SNX21: variants seen among roughly 807,000 people sequenced by gnomAD.
The protein encoded by SNX21 is sorting nexin-21.
SNX21 carries 36 observed loss-of-function variants against 30.9 expected under a neutral mutation model. The observed-to-expected ratio is 1.16, with a 90% CI of 0.89 to 1.54. The LOEUF (loss-of-function observed/expected upper bound fraction) is 1.54, where lower values mean the gene tolerates loss of function less well. SNX21 is among the 40% of genes most tolerant of loss of function. SNX21 has a pLI of 0.00. For missense variants in SNX21, 508 were observed against 516.5 expected, an observed-to-expected ratio of 0.98 and a Z score of 0.16; for synonymous variants, 218 against 222.7, an observed-to-expected ratio of 0.98 and a Z score of 0.19.
chr20:45,841,146 C>T lies in SNX21; in HGVS notation c.955C>T (p.His319Tyr). The T allele has an allele frequency of 1.9e-6, 3 of 1,613,314 alleles. No individual in the cohort carries two copies. The highest frequency in any genetic ancestry group is 2.5e-6 in the Non-Finnish European group (3 of 1,179,774). ...GCAGCTGCTTGGGGACAAGAGCCTC[C>T]ACCCTTTGCTGGCACCCTTTCTGGA... ...ALQLLGDKSLHPLLAPFLEAH... is the reference protein window; with the variant it reads ...ALQLLGDKSLYPLLAPFLEAH... Residue 319 changes from histidine to tyrosine, a missense_variant, in exon 4 of 4, where the codon CAC (histidine) becomes TAC (tyrosine). Physicochemically the swap from His to Tyr is moderately conservative, Grantham distance 83. Coordinates refer to ENST00000491381, the MANE Select transcript of SNX21 (RefSeq NM_033421.4).
chr20:45,835,061 T>C lies in SNX21; in HGVS notation c.392T>C (p.Leu131Pro), dbSNP rs767505491. 6.2e-7 allele frequency: 1 copy of C among 1,614,228 alleles called. No individual in the cohort carries two copies. The highest frequency in any genetic ancestry group is 2.2e-5 in the East Asian group (1 of 44,886). The change falls in exon 3 of 4, where the codon CTG becomes CCG. Residue 131 changes from leucine to proline, a missense_variant. Coordinates refer to ENST00000491381, the MANE Select transcript of SNX21 (RefSeq NM_033421.4). The stretch of plus-strand genomic sequence containing the variant: ...CGGAACACCTTGGCACCCCAGCGGC[T>C]GCTCTTCGAAGTGACCAGCGCTAAC... ...KSRNTLAPQR[L>P]LFEVTSANVV... is the part of the protein sequence containing the mutation.
rs547874769 is a variant in SNX21 at position 45,834,376 on chromosome 20, CCGAGGACGA to C, written c.216_224del (p.Asp72_Asp74del). The C allele has an allele frequency of 3.1e-4, 497 of 1,604,362 alleles. 3 individuals carry two copies. Among genetic ancestry groups the C allele is most frequent in the South Asian group, 6.7e-4 (60 of 90,052 alleles). On this transcript the variant is annotated inframe_deletion, in exon 2 of 4. Coordinates refer to ENST00000491381, the MANE Select transcript of SNX21 (RefSeq NM_033421.4). ...AGCGGCACCCTCAGCTTCACCAGCG[CCGAGGACGA>C]CGAGGACGACGAGGACGAGGACGAC...
rs139445813 is a variant in SNX21, at chr20:45,841,247, G to A, written c.1056G>A (p.Glu352=). 3.1e-4 allele frequency: 499 copies of A among 1,610,494 alleles called. 5 individuals are homozygous for A. In the African/African-American group the frequency reaches 5.5e-3, roughly 18 times the overall value. Residue 352 remains glutamate (E), a synonymous_variant, in exon 4 of 4, where the codon GAG becomes GAA. Transcript: ENST00000491381. ...AGGCTCGGCTCCAAGCCCTGCAGGA[G>A]GCAGGCCTTACCCCCACACCACCCC... The part of the protein sequence containing the change: ...QSEARLQALQ[E]AGLTPTPPPS...
intron 3 of SNX21, among the ~76,000 whole-genome samples, chr20:45,838,539 A>T (rs1247313324): frequency 1.3e-5 from 2 of 151,552 alleles, no homozygotes; most frequent in Non-Finnish European, 2.9e-5. Flanking sequence ...AGATCACCTG[A>T]GGTCAGGAGT....
Position 45,842,775 on chromosome 20 carries a change from T to C in SNX21, c.*1462T>C, listed in dbSNP as rs1228937852. Reference sequence around the variant, plus strand: ...CATGATGAAGCCAAATCTGAACCCATGTCCTCACTTCAAGGTTATCAATCT... The same window carrying C: ...CATGATGAAGCCAAATCTGAACCCACGTCCTCACTTCAAGGTTATCAATCT... On this transcript the variant is annotated 3_prime_UTR_variant, in exon 4 of 4. Coordinates refer to ENST00000491381, the MANE Select transcript of SNX21 (RefSeq NM_033421.4). 4.0e-6 allele frequency: 4 copies of C among 990,288 alleles called. No individual in the cohort carries two copies. Among genetic ancestry groups the C allele is most frequent in the Non-Finnish European group, 4.8e-6 (4 of 832,918 alleles). 61.3% of individuals were successfully genotyped at this position (990,288 alleles called of 1,614,324 possible). A position where few individuals can be genotyped will look rare whatever the true frequency, so the allele number is the denominator to read the frequency against.
Position 45,843,175 on chromosome 20 carries a change from G to T in SNX21, c.*1862G>T. On this transcript the variant is annotated 3_prime_UTR_variant, in exon 4 of 4. Coordinates refer to ENST00000491381, the MANE Select transcript of SNX21 (RefSeq NM_033421.4). ...GGCAGTCTGATGGACTGCGGGTTTGGATACCACTGCTGTAATGTAACCCTC... is the reference window on the plus strand; with the variant it reads ...GGCAGTCTGATGGACTGCGGGTTTGTATACCACTGCTGTAATGTAACCCTC... 1.9e-6 allele frequency: 1 copy of T among 520,956 alleles called. No homozygotes were observed. Among genetic ancestry groups the T allele is most frequent in the Non-Finnish European group, 3.1e-6 (1 of 325,426 alleles). The allele number at this position is 520,956 out of a possible 1,614,324, so 32.3% of individuals were successfully genotyped here.
chr20:45,834,097 GCGCCCCTCCCTCTCCGGTTCGGGCCC>G, intron 1 of SNX21, 78 bp from the exon 2 acceptor site: 1 of 1,397,398 alleles, frequency 7.2e-7, no homozygotes, highest in Non-Finnish European at 9.3e-7. Flanking sequence ...GGGCCTCACC[GCGCCCCTCCCTCTCCGGTTCGGGCCC>G]CGCCCCTCCT....
intron 3 of SNX21, among the ~76,000 whole-genome samples, chr20:45,836,847 G>T (rs1448077600): frequency 6.6e-6 from 1 of 152,166 alleles, no homozygotes; most frequent in South Asian, 2.1e-4. Flanking sequence ...GAGAAGCAAG[G>T]CACCTCCTGT....
rs963712422 is a variant in SNX21 at position 45,842,770 on chromosome 20, AC to A, written c.*1460del. 2.0e-4 allele frequency: 195 copies of A among 989,796 alleles called. 1 individual carries two copies. Among genetic ancestry groups the A allele is most frequent in the Admixed American group, 1.2e-3 (20 of 17,338 alleles). 61.3% of individuals were successfully genotyped at this position (989,796 alleles called of 1,614,324 possible). On this transcript the variant is annotated 3_prime_UTR_variant, in exon 4 of 4. Coordinates refer to ENST00000491381, the MANE Select transcript of SNX21 (RefSeq NM_033421.4). ...GGCCCCATGATGAAGCCAAATCTGA[AC>A]CCATGTCCTCACTTCAAGGTTATCA... is the stretch of plus-strand genomic sequence containing the variant.
rs778167110 is a variant in SNX21, at chr20:45,841,973, G to T, written c.*660G>T. The stretch of plus-strand genomic sequence containing the variant: ...GAGAGCCACCTGTGGGTGAGGTGAA[G>T]GGTGATGATGGCCTGCTTCAGAACA... On this transcript the variant is annotated 3_prime_UTR_variant, in exon 4 of 4. Coordinates refer to ENST00000491381, the MANE Select transcript of SNX21 (RefSeq NM_033421.4). The T allele has an allele frequency of 4.3e-6, 7 of 1,612,652 alleles. No individual in the cohort carries two copies. In the African/African-American group the frequency reaches 9.3e-5, roughly 22 times the overall value.
At position 45,842,282 on chromosome 20, in the gene SNX21, C is replaced by T. The variant is rs1984256832; in HGVS notation, c.*969C>T. 2 of 1,427,396 alleles carry T rather than the reference C, an allele frequency of 1.4e-6. No homozygotes were observed. Among genetic ancestry groups the T allele is most frequent in the Admixed American group, 2.9e-5 (1 of 34,092 alleles). 88.4% of individuals were successfully genotyped at this position (1,427,396 alleles called of 1,614,324 possible). A position where few individuals can be genotyped will look rare whatever the true frequency, so the allele number is the denominator to read the frequency against. On this transcript the variant is annotated 3_prime_UTR_variant, in exon 4 of 4. Transcript: ENST00000491381. ...TGAGGGGTAACTCCTCCCACAGGAA[C>T]CCCAGTTGACAGTTTAAAAGCACTT...
In SNX21 at chr20:45,842,206, G is replaced by A; in HGVS notation, c.*893G>A. The A allele has an allele frequency of 2.7e-6, 4 of 1,455,296 alleles. No homozygotes were observed. The highest frequency in any genetic ancestry group is 3.6e-6 in the Non-Finnish European group (4 of 1,115,216). The allele number at this position is 1,455,296 out of a possible 1,614,324, so 90.1% of individuals were successfully genotyped here. A position where few individuals can be genotyped will look rare whatever the true frequency, so the allele number is the denominator to read the frequency against. The stretch of plus-strand genomic sequence containing the variant: ...GCTGCCCCACACAAGGGTGCACTGA[G>A]TGTCGTGGCTGCTCCAAATGCCCCT... On this transcript the variant is annotated 3_prime_UTR_variant, in exon 4 of 4. Transcript: ENST00000491381.
Position 45,841,836 on chromosome 20 carries a change from GGCTACA to G in SNX21, c.*527_*532del, listed in dbSNP as rs775461604. The G allele has an allele frequency of 4.8e-4, 773 of 1,601,568 alleles. No homozygotes were observed. Among genetic ancestry groups the G allele is most frequent in the Non-Finnish European group, 6.0e-4 (708 of 1,175,952 alleles). On this transcript the variant is annotated 3_prime_UTR_variant, in exon 4 of 4. Transcript: ENST00000491381. ...AGCCCCAGGCGAAGCTGGTACCTCT[GGCTACA>G]GCTTGCTCTCTGAGACCTGGGGCTT...
In SNX21 at chr20:45,841,874, G is replaced by C. The variant is rs147976812; in HGVS notation, c.*561G>C. The C allele has an allele frequency of 1.1e-4, 182 of 1,609,390 alleles. No individual in the cohort carries two copies. In the African/African-American group the frequency reaches 2.3e-3, roughly 20 times the overall value. ...TCTCTGAGACCTGGGGCTTCACTCG[G>C]ATCACGCCCTCCTGGGCACAGGTCA... is the stretch of plus-strand genomic sequence containing the variant. On this transcript the variant is annotated 3_prime_UTR_variant, in exon 4 of 4. Transcript: ENST00000491381.
In SNX21 at chr20:45,842,963, G is replaced by C. The variant is rs1984353230; in HGVS notation, c.*1650G>C. The C allele has an allele frequency of 2.0e-6, 2 of 1,015,596 alleles. No homozygotes were observed. Among genetic ancestry groups the C allele is most frequent in the Non-Finnish European group, 2.4e-6 (2 of 846,956 alleles). The allele number at this position is 1,015,596 out of a possible 1,614,324, so 62.9% of individuals were successfully genotyped here. A position where few individuals can be genotyped will look rare whatever the true frequency, so the allele number is the denominator to read the frequency against. The stretch of plus-strand genomic sequence containing the variant: ...AGCTAGACATTGATGAACGAGTCTT[G>C]TTTCTCTCCCCTGCAAGGAAGGTCC... On this transcript the variant is annotated 3_prime_UTR_variant, in exon 4 of 4. Transcript: ENST00000491381.
rs1984110409 is a variant in SNX21, at chr20:45,841,402, C to T, written c.*89C>T. 1 of 1,489,692 alleles carries T rather than the reference C, an allele frequency of 6.7e-7. No homozygotes were observed. The allele number at this position is 1,489,692 out of a possible 1,614,324, so 92.3% of individuals were successfully genotyped here. ...TGATGAGAACAGAATAGCTGGGAGG[C>T]TGCAGAGGGTGCTGGGAGCCCCTAG... is the stretch of plus-strand genomic sequence containing the variant. On this transcript the variant is annotated 3_prime_UTR_variant, in exon 4 of 4. Coordinates refer to ENST00000491381, the MANE Select transcript of SNX21 (RefSeq NM_033421.4).
At position 45,842,277 on chromosome 20, in the gene SNX21, A is replaced by G. The variant is rs1410178237; in HGVS notation, c.*964A>G. ...GTCATTGAGGGGTAACTCCTCCCAC[A>G]GGAACCCCAGTTGACAGTTTAAAAG... On this transcript the variant is annotated 3_prime_UTR_variant, in exon 4 of 4. Transcript: ENST00000491381. The G allele has an allele frequency of 2.1e-6, 3 of 1,429,196 alleles. No homozygotes were observed. The highest frequency in any genetic ancestry group is 2.9e-5 in the Admixed American group (1 of 34,292). 88.5% of individuals were successfully genotyped at this position (1,429,196 alleles called of 1,614,324 possible).
At position 45,842,210 on chromosome 20, in the gene SNX21, C is replaced by T. The variant is rs1011690079; in HGVS notation, c.*897C>T. On this transcript the variant is annotated 3_prime_UTR_variant, in exon 4 of 4. Transcript: ENST00000491381. ...CCCCACACAAGGGTGCACTGAGTGTCGTGGCTGCTCCAAATGCCCCTTCAT... is the reference window on the plus strand; with the variant it reads ...CCCCACACAAGGGTGCACTGAGTGTTGTGGCTGCTCCAAATGCCCCTTCAT... 4.9e-6 allele frequency: 7 copies of T among 1,441,376 alleles called. No homozygotes were observed. The Admixed American group carries it at 1.1e-4, about 22-fold the overall frequency. The allele number at this position is 1,441,376 out of a possible 1,614,324, so 89.3% of individuals were successfully genotyped here. A position where few individuals can be genotyped will look rare whatever the true frequency, so the allele number is the denominator to read the frequency against.
intron 3 of SNX21, among the ~76,000 whole-genome samples, chr20:45,835,638 A>G (rs1203799857): frequency 6.6e-6 from 1 of 152,238 alleles, no homozygotes; most frequent in Non-Finnish European, 1.5e-5. Context: ...TAAATGAGAC[A>G]ATGGACAAAA....
Sources: gnomAD v4.1 joint callset for allele counts (sites outside exome capture counted in the v4.1 genomes callset) on GRCh38, gnomAD v4.1.1 for gene constraint, MANE v1.5 for transcripts, NCBI Gene and HGNC (gene_info 2026-07-23, HGNC 2026-07-21) for gene names.